NEBL: variants seen among roughly 807,000 people sequenced by gnomAD.
The protein encoded by NEBL is LIM and SH3 protein 2.
NEBL carries 122 observed loss-of-function variants against 140.2 expected under a neutral mutation model. That is an observed-to-expected ratio of 0.87 (90% CI 0.75 to 1.01). The LOEUF is 1.01. Among genes scored for constraint, NEBL ranks in the 50% least tolerant of loss-of-function variants. NEBL has a pLI of 0.00. For missense variants in NEBL, 1,365 were observed against 1,231.3 expected, an observed-to-expected ratio of 1.11 and a Z score of -1.62; for synonymous variants, 436 against 398.9, an observed-to-expected ratio of 1.09 and a Z score of -1.11.
rs758968583 is a variant in NEBL at position 20,819,514 on chromosome 10, G to C, written c.1965C>G (p.Leu655=). ...CCTTGTAGTTTTGCTCTTTATACTGGAGCTGAGAGACAAGGTGCAAGACAG... is the reference window on the plus strand; with the variant it reads ...CCTTGTAGTTTTGCTCTTTATACTGCAGCTGAGAGACAAGGTGCAAGACAG... ...VKENQKNISN[L]QYKEQNYKAT... The change falls in exon 20 of 28, where the codon CTC becomes CTG. Residue 655 remains leucine, a splice_region_variant and synonymous_variant. Coordinates refer to ENST00000377122, the MANE Select transcript of NEBL (RefSeq NM_006393.3). The C allele has an allele frequency of 1.2e-6, 2 of 1,613,788 alleles. No individual in the cohort carries two copies. The highest frequency in any genetic ancestry group is 1.7e-6 in the Non-Finnish European group (2 of 1,179,904).
At chr10:21,183,707 A>G (rs1243117931) in intron 3 of NEBL, among the ~76,000 whole-genome samples, 2 of 152,200 alleles carry the variant, frequency 1.3e-5, no homozygotes, top group African/African-American at 4.8e-5. Context: ...ATGAGGCCCC[A>G]CTTGCAGGCC....
chr10:20,844,846 C>T (rs1268548460), intron 12 of NEBL, among the ~76,000 whole-genome samples: 1 of 151,938 alleles, frequency 6.6e-6, no homozygotes, highest in African/African-American at 2.4e-5. Context: ...GAGACATTTG[C>T]TGCAGGAAAG....
intron 2 of NEBL, chr10:21,110,568 A>G (rs940771626): frequency 4.9e-6 from 1 of 203,952 alleles, no homozygotes; most frequent in Non-Finnish European, 1.0e-5. Flanking sequence ...AGCGATTTTC[A>G]TACTCTCAAA....
At chr10:20,806,586 G>A (rs115082239) in intron 26 of NEBL, among the ~76,000 whole-genome samples, 1,658 of 152,188 alleles carry the variant, frequency 0.011, 21 homozygotes, top group Non-Finnish European at 0.013. Flanking sequence ...ATTCCACCCC[G>A]TCACAGGCCT....
At chr10:21,281,247 G>A (rs1842988371) in intron 1 of NEBL, among the ~76,000 whole-genome samples, 1 of 152,174 alleles carries the variant, frequency 6.6e-6, no homozygotes, top group South Asian at 2.1e-4. Flanking sequence ...TCTAATTAGT[G>A]TAAATATAGT....
chr10:21,094,499 C>CAAAAAAAAAA (rs72278772), intron 2 of NEBL, among the ~76,000 whole-genome samples: 2 of 63,186 alleles, frequency 3.2e-5, no homozygotes, highest in East Asian at 5.4e-4. Flanking sequence ...GACTCCGTCT[C>CAAAAAAAAAA]AAAAAAAAAA....
intron 17 of NEBL, 51 bp from the exon 18 acceptor site, chr10:20,826,590 C>T: frequency 7.4e-7 from 1 of 1,353,174 alleles, no homozygotes; most frequent in Non-Finnish European, 1.1e-6. Flanking sequence ...GAATTCAAGT[C>T]CTAGATCCGC....
chr10:21,267,211 G>A (rs1479962874), intron 1 of NEBL, among the ~76,000 whole-genome samples: 3 of 151,670 alleles, frequency 2.0e-5, no homozygotes, highest in South Asian at 2.1e-4. Flanking sequence ...CCTGACCTCA[G>A]GTGATCCGCC....
At chr10:21,029,073 G>A in intron 2 of NEBL, 1 of 1,090,666 alleles carries the variant, frequency 9.2e-7, no homozygotes, top group South Asian at 1.3e-5. Context: ...CTGAGGACTG[G>A]GGGACTGGTG....
At chr10:21,290,708 C>G (rs957394860) in intron 1 of NEBL, among the ~76,000 whole-genome samples, 2 of 152,166 alleles carry the variant, frequency 1.3e-5, no homozygotes, top group South Asian at 2.1e-4. Context: ...ACCACCTCCC[C>G]CAGAGCTCAG....
intron 2 of NEBL, chr10:21,110,852 A>G (rs1026810206): frequency 1.6e-6 from 1 of 616,240 alleles, no homozygotes. Flanking sequence ...GAGGCAATGA[A>G]TTACAAATGC....
chr10:20,916,425 G>A (rs1310544822), intron 4 of NEBL, among the ~76,000 whole-genome samples: 1 of 152,188 alleles, frequency 6.6e-6, no homozygotes, highest in East Asian at 1.9e-4. Flanking sequence ...TCTTGGGAAA[G>A]GGTCTCACTC....
At chr10:20,928,859 A>G (rs986869005) in intron 4 of NEBL, among the ~76,000 whole-genome samples, 1 of 152,236 alleles carries the variant, frequency 6.6e-6, no homozygotes, top group African/African-American at 2.4e-5. Context: ...GAAAAATACA[A>G]CAAAAATATT....
At chr10:20,908,932 T>A (rs1178295103) in intron 4 of NEBL, among the ~76,000 whole-genome samples, 2 of 152,218 alleles carry the variant, frequency 1.3e-5, no homozygotes, top group Non-Finnish European at 2.9e-5. Flanking sequence ...TTCAAACTTA[T>A]TTGTGCTACA....
chr10:20,910,802 T>C (rs985613557), intron 4 of NEBL, among the ~76,000 whole-genome samples: 1 of 148,474 alleles, frequency 6.7e-6, no homozygotes, highest in Non-Finnish European at 1.5e-5. Flanking sequence ...TCAAACCACT[T>C]TTTTTGTTTG....
At chr10:21,071,416 C>T (rs1835812809) in intron 2 of NEBL, among the ~76,000 whole-genome samples, 1 of 151,916 alleles carries the variant, frequency 6.6e-6, no homozygotes, top group South Asian at 2.1e-4. Flanking sequence ...CTTTCAAAGC[C>T]CTACAAAAGG....
At chr10:21,138,471 G>A (rs973986996) in intron 2 of NEBL, among the ~76,000 whole-genome samples, 4 of 151,946 alleles carry the variant, frequency 2.6e-5, no homozygotes, top group Non-Finnish European at 5.9e-5. Flanking sequence ...AATGAATAGA[G>A]GCAATGCACA....
chr10:21,216,771 GA>G (rs112977564), intron 3 of NEBL, among the ~76,000 whole-genome samples: 70 of 129,220 alleles, frequency 5.4e-4, no homozygotes, highest in South Asian at 3.0e-3. Context: ...ACTCCATCTC[GA>G]AAAAAAAAAA....
intron 3 of NEBL, among the ~76,000 whole-genome samples, chr10:20,987,678 T>A (rs1428995398): frequency 2.0e-5 from 3 of 152,198 alleles, no homozygotes; most frequent in Middle Eastern, 3.2e-3. Flanking sequence ...ATTATAGCAA[T>A]GCGGGGCATT....
Sources: allele counts gnomAD v4.1 joint callset (sites outside exome capture counted in the v4.1 genomes callset), GRCh38; gene constraint gnomAD v4.1.1; transcripts MANE v1.5; gene names NCBI Gene and HGNC (gene_info 2026-07-23, HGNC 2026-07-21).